Variants in DOK5 observed in about 807,000 individuals in gnomAD.
The protein encoded by DOK5 is docking protein 5, also known as downstream of tyrosine kinase 5.
In DOK5, 27 loss-of-function variants were observed where a neutral mutation model predicts 43.3. That is an observed-to-expected ratio of 0.62 (90% CI 0.46 to 0.86). The LOEUF is 0.86. Ranked by LOEUF, DOK5 falls within the 40% of genes least tolerant of loss-of-function variation. The probability of loss-of-function intolerance (pLI) is 0.00; values close to 1 mark genes in which losing one functional copy is unlikely to be tolerated. For missense variants in DOK5, 373 were observed against 392.9 expected, an observed-to-expected ratio of 0.95 and a Z score of 0.43; for synonymous variants, 146 against 140.1, an observed-to-expected ratio of 1.04 and a Z score of -0.30.
chr20:54,647,424 G>T (rs1037921058), intron 7 of DOK5, among the ~76,000 whole-genome samples: 1 of 151,002 alleles, frequency 6.6e-6, no homozygotes, highest in Non-Finnish European at 1.5e-5. Context: ...AGAATCGCTT[G>T]AACCCAGGAG....
chr20:54,539,340 A>T (rs1433177939), intron 1 of DOK5, among the ~76,000 whole-genome samples: 1 of 150,410 alleles, frequency 6.6e-6, no homozygotes, highest in Non-Finnish European at 1.5e-5. Context: ...TCCAGGGCTT[A>T]AGGCAGGCAA....
chr20:54,478,679 C>T (rs1023159538), intron 1 of DOK5, among the ~76,000 whole-genome samples: 11 of 152,174 alleles, frequency 7.2e-5, no homozygotes, highest in Admixed American at 2.0e-4. Context: ...GAGAAGGGAA[C>T]GCATTCTGCT....
intron 6 of DOK5, among the ~76,000 whole-genome samples, chr20:54,637,568 G>A (rs1430897138): frequency 1.3e-5 from 2 of 152,228 alleles, no homozygotes; most frequent in African/African-American, 2.4e-5. Context: ...AAAGTCGAGT[G>A]AAGTAGTCTT....
At chr20:54,590,401 C>T (rs2146768860) in intron 4 of DOK5, among the ~76,000 whole-genome samples, 1 of 152,188 alleles carries the variant, frequency 6.6e-6, no homozygotes, top group South Asian at 2.1e-4. Flanking sequence ...TATCTCTCCC[C>T]TATTGTTATT....
chr20:54,632,430 A>G (rs1304884535), intron 6 of DOK5, among the ~76,000 whole-genome samples: 1 of 152,240 alleles, frequency 6.6e-6, no homozygotes, highest in Non-Finnish European at 1.5e-5. Flanking sequence ...TTCTTGTTAA[A>G]GACAGTATCA....
chr20:54,599,360 A>G (rs1467743210), intron 5 of DOK5, among the ~76,000 whole-genome samples: 3 of 152,264 alleles, frequency 2.0e-5, no homozygotes, highest in Non-Finnish European at 4.4e-5. Flanking sequence ...AATTTTAATT[A>G]CAAAGATAAT....
intron 6 of DOK5, among the ~76,000 whole-genome samples, chr20:54,621,528 C>A (rs961913982): frequency 1.3e-5 from 2 of 152,058 alleles, no homozygotes; most frequent in Non-Finnish European, 2.9e-5. Flanking sequence ...CCTGTCTCTA[C>A]TAAAAATACA....
chr20:54,481,263 G>T (rs534268577), intron 1 of DOK5, among the ~76,000 whole-genome samples: 5 of 152,056 alleles, frequency 3.3e-5, no homozygotes, highest in Non-Finnish European at 5.9e-5. Flanking sequence ...TCTGCCTCCT[G>T]GGTTCAAGCA....
chr20:54,495,557 G>A (rs1982358981), intron 1 of DOK5, among the ~76,000 whole-genome samples: 1 of 152,200 alleles, frequency 6.6e-6, no homozygotes, highest in Non-Finnish European at 1.5e-5. Flanking sequence ...AATTATAGAA[G>A]TTACGCTCAC....
chr20:54,599,836 C>T (rs1399727012), intron 5 of DOK5, among the ~76,000 whole-genome samples: 1 of 152,172 alleles, frequency 6.6e-6, no homozygotes, highest in African/African-American at 2.4e-5. Context: ...ACCCTAATGC[C>T]TGGTGTGGTT....
rs1568797980 is a variant in DOK5 at position 54,588,526 on chromosome 20, A to G, written c.218A>G (p.Lys73Arg). ...NNVKNVARLPKSTKKHAIGIY... is the reference protein window; with the variant it reads ...NNVKNVARLPRSTKKHAIGIY... ...GTGAAGAACGTAGCTCGATTGCCAA[A>G]AAGCACCAAGAAACATGCCATAGGG... The change falls in exon 3 of 8, where the codon AAA (lysine) becomes AGA (arginine). Residue 73 changes from lysine to arginine, a missense_variant. Physicochemically the swap from Lys to Arg is conservative, Grantham distance 26. Coordinates refer to ENST00000262593, the MANE Select transcript of DOK5 (RefSeq NM_018431.5). 1.9e-6 allele frequency: 3 copies of G among 1,614,170 alleles called. No homozygotes were observed. Among genetic ancestry groups the G allele is most frequent in the Non-Finnish European group, 2.5e-6 (3 of 1,180,006 alleles).
At chr20:54,488,932 G>C (rs1208361277) in intron 1 of DOK5, among the ~76,000 whole-genome samples, 2 of 152,066 alleles carry the variant, frequency 1.3e-5, no homozygotes, top group African/African-American at 4.8e-5. Flanking sequence ...CTTGTTCACT[G>C]CTGTATCCCC....
At chr20:54,648,167 T>C (rs1023746986) in intron 7 of DOK5, among the ~76,000 whole-genome samples, 1 of 152,098 alleles carries the variant, frequency 6.6e-6, no homozygotes, top group African/African-American at 2.4e-5. Flanking sequence ...GATTTTAAGG[T>C]TTTTCTCTCT....
At chr20:54,598,684 T>G (rs761869781) in intron 5 of DOK5, among the ~76,000 whole-genome samples, 4 of 152,206 alleles carry the variant, frequency 2.6e-5, no homozygotes, top group Non-Finnish European at 5.9e-5. Context: ...GTGCCTTTCT[T>G]TACCAGCTGG....
At chr20:54,642,566 A>AG (rs1979176385) in intron 6 of DOK5, among the ~76,000 whole-genome samples, 1 of 149,140 alleles carries the variant, frequency 6.7e-6, no homozygotes, top group Non-Finnish European at 1.5e-5. Flanking sequence ...AAAAAAAAAA[A>AG]AAGAAAAATT....
intron 1 of DOK5, among the ~76,000 whole-genome samples, chr20:54,553,771 C>T (rs1035164890): frequency 4.6e-5 from 7 of 151,112 alleles, no homozygotes; most frequent in Non-Finnish European, 1.0e-4. Context: ...GTTGTGCTTG[C>T]CTGTAATTCC....
chr20:54,542,113 C>CACACACACACACAT (rs1568774886), intron 1 of DOK5, among the ~76,000 whole-genome samples: 11 of 151,504 alleles, frequency 7.3e-5, no homozygotes, highest in African/African-American at 2.7e-4. Context: ...CACACACACA[C>CACACACACACACAT]ACACACACAC....
chr20:54,614,773 G>A (rs971481609), intron 6 of DOK5, among the ~76,000 whole-genome samples: 3 of 152,142 alleles, frequency 2.0e-5, no homozygotes, highest in African/African-American at 7.2e-5. Flanking sequence ...GCTTCAACAT[G>A]GATCTGAATC....
chr20:54,485,521 A>G (rs1459152498), intron 1 of DOK5, among the ~76,000 whole-genome samples: 9 of 152,194 alleles, frequency 5.9e-5, no homozygotes, highest in Non-Finnish European at 7.3e-5. Flanking sequence ...GTGTATGTAC[A>G]ATAGGTACCG....
Sources: gnomAD v4.1 joint callset for allele counts (sites outside exome capture counted in the v4.1 genomes callset) on GRCh38, gnomAD v4.1.1 for gene constraint, MANE v1.5 for transcripts, NCBI Gene and HGNC (gene_info 2026-07-23, HGNC 2026-07-21) for gene names.